ATP2B2: variants seen among roughly 807,000 people sequenced by gnomAD.
ATP2B2 encodes the protein plasma membrane calcium-transporting ATPase 2.
In ATP2B2, 15 loss-of-function variants were observed where a neutral mutation model predicts 120.0. The observed-to-expected ratio is 0.12, with a 90% CI of 0.08 to 0.19. The LOEUF (loss-of-function observed/expected upper bound fraction) is 0.19. Among genes scored for constraint, ATP2B2 ranks in the 10% least tolerant of loss-of-function variants. The probability of loss-of-function intolerance (pLI) is 1.00; values close to 1 mark genes in which losing one functional copy is unlikely to be tolerated. For missense variants in ATP2B2, 1,045 were observed against 1,719.8 expected (o/e 0.61, Z 6.94); for synonymous variants, 694 against 700.3 (o/e 0.99, Z 0.14).
At chr3:10,417,066 C>CGGGGGGGGGGGGG (rs201363749) in intron 2 of ATP2B2, among the ~76,000 whole-genome samples, 3 of 38,088 alleles carry the variant, frequency 7.9e-5, no homozygotes, top group African/African-American at 6.9e-4. Context: ...TCCCAGACGG[C>CGGGGGGGGGGGGG]GGCGGGGGGG....
intron 5 of ATP2B2, among the ~76,000 whole-genome samples, chr3:10,388,660 C>T (rs1191185303): frequency 1.3e-5 from 2 of 152,196 alleles, no homozygotes; most frequent in African/African-American, 2.4e-5. Flanking sequence ...CCACCTACTA[C>T]CTGCCCTGGA....
intron 2 of ATP2B2, among the ~76,000 whole-genome samples, chr3:10,593,586 T>C (rs113783435): frequency 0.01 from 1,587 of 152,254 alleles, 26 homozygotes; most frequent in African/African-American, 0.036. Flanking sequence ...AAGACTTAAA[T>C]GTTAGACCTA....
intron 2 of ATP2B2, among the ~76,000 whole-genome samples, chr3:10,610,426 C>G (rs2069201636): frequency 6.6e-6 from 1 of 152,062 alleles, no homozygotes; most frequent in South Asian, 2.1e-4. Context: ...GGATGTCATG[C>G]CTTCGAGGCG....
chr3:10,662,737 A>T (rs1476703538), intron 1 of ATP2B2, among the ~76,000 whole-genome samples: 3 of 152,028 alleles, frequency 2.0e-5, no homozygotes, highest in Non-Finnish European at 2.9e-5. Context: ...CCATCCCATT[A>T]CTGGGTATAT....
chr3:10,455,968 C>T (rs2064243417), intron 1 of ATP2B2, among the ~76,000 whole-genome samples: 1 of 152,196 alleles, frequency 6.6e-6, no homozygotes, highest in Admixed American at 6.5e-5. Context: ...TGGATTTATG[C>T]ATTTCAGTTT....
intron 2 of ATP2B2, among the ~76,000 whole-genome samples, chr3:10,436,005 G>A (rs1176022070): frequency 1.3e-5 from 2 of 152,138 alleles, no homozygotes; most frequent in African/African-American, 2.4e-5. Flanking sequence ...TCTTGGTGAC[G>A]ATCAGTCAAA....
intron 1 of ATP2B2, among the ~76,000 whole-genome samples, chr3:10,624,715 C>T (rs905106511): frequency 1.3e-5 from 2 of 152,122 alleles, no homozygotes; most frequent in African/African-American, 2.4e-5. Flanking sequence ...TGAATGAGTA[C>T]GAATGCATGA....
intron 3 of ATP2B2, among the ~76,000 whole-genome samples, chr3:10,516,431 C>T (rs1453667837): frequency 6.6e-6 from 1 of 152,146 alleles, no homozygotes; most frequent in East Asian, 1.9e-4. Flanking sequence ...CTATCTTCTT[C>T]TCCTCCTTTT....
chr3:10,618,781 T>C (rs2069466760), intron 2 of ATP2B2, among the ~76,000 whole-genome samples: 1 of 152,158 alleles, frequency 6.6e-6, no homozygotes, highest in Non-Finnish European at 1.5e-5. Context: ...GAAAGAAACA[T>C]GTGCTTATTA....
intron 1 of ATP2B2, among the ~76,000 whole-genome samples, chr3:10,625,710 C>T (rs530115237): frequency 6.6e-6 from 1 of 152,286 alleles, no homozygotes; most frequent in South Asian, 2.1e-4. Flanking sequence ...GGTGCCCCCA[C>T]ACTCAGGGAC....
chr3:10,401,556 A>G (rs930010724), intron 4 of ATP2B2, among the ~76,000 whole-genome samples: 3 of 152,054 alleles, frequency 2.0e-5, no homozygotes, highest in African/African-American at 7.2e-5. Flanking sequence ...CTTCTGCCTC[A>G]CCTTACCTAG....
Position 10,547,467 on chromosome 3 carries a change from C to T in ATP2B2, c.-414-13334G>A, listed in dbSNP as rs980601144. Among the ~76,000 whole-genome samples, 49 of 152,264 alleles carry T rather than the reference C, an allele frequency of 3.2e-4. 1 individual carries two copies. The highest frequency in any genetic ancestry group is 3.6e-4 in the African/African-American group (15 of 41,536). ...TTAGAGAGAGGAAGTCGCTGGCCCA[C>T]GGTCACACCTTTCCTAACAACAGCA... On this transcript the variant is annotated intron_variant, in intron 2 of 21. Transcript: ENST00000646379.
intron 2 of ATP2B2, among the ~76,000 whole-genome samples, chr3:10,551,362 T>A (rs1432614537): frequency 1.3e-5 from 2 of 152,204 alleles, no homozygotes; most frequent in African/African-American, 4.8e-5. Flanking sequence ...GTGCCGATTA[T>A]CAAGCCCACC....
intron 2 of ATP2B2, among the ~76,000 whole-genome samples, chr3:10,587,253 C>T (rs780977172): frequency 9.9e-5 from 15 of 152,082 alleles, no homozygotes; most frequent in African/African-American, 2.9e-4. Flanking sequence ...TGCAGTGAGC[C>T]GTGATCATAC....
chr3:10,379,135 G>C (rs897963450), intron 9 of ATP2B2, 108 bp downstream of exon 9: 31 of 1,301,828 alleles, frequency 2.4e-5, no homozygotes, highest in Non-Finnish European at 3.0e-5. Flanking sequence ...TGTAGGAGTG[G>C]ATGTGTCTGC....
At chr3:10,455,666 C>G (rs752119541) in intron 1 of ATP2B2, among the ~76,000 whole-genome samples, 9 of 152,144 alleles carry the variant, frequency 5.9e-5, no homozygotes, top group Non-Finnish European at 1.3e-4. Flanking sequence ...CAGGTGAGCA[C>G]CCCTGCCCTA....
chr3:10,404,786 G>C (rs894000930), intron 3 of ATP2B2, among the ~76,000 whole-genome samples: 1 of 152,182 alleles, frequency 6.6e-6, no homozygotes, highest in African/African-American at 2.4e-5. Context: ...GGTGAACCTT[G>C]CTAAACAGAA....
chr3:10,484,482 CTG>C (rs572523484), intron 1 of ATP2B2, among the ~76,000 whole-genome samples: 37 of 152,280 alleles, frequency 2.4e-4, no homozygotes, highest in African/African-American at 8.7e-4. Flanking sequence ...GCGGGGGTCT[CTG>C]TGGCATTTTG....
chr3:10,437,710 C>T (rs575060138), intron 2 of ATP2B2, among the ~76,000 whole-genome samples: 1 of 152,158 alleles, frequency 6.6e-6, no homozygotes, highest in Non-Finnish European at 1.5e-5. Context: ...ATCATGCTCC[C>T]CCAAATCCAT....
Sources: allele counts gnomAD v4.1 joint callset (sites outside exome capture counted in the v4.1 genomes callset), GRCh38; gene constraint gnomAD v4.1.1; transcripts MANE v1.5; gene names NCBI Gene and HGNC (gene_info 2026-07-23, HGNC 2026-07-21).